The following APCDD1L variants were observed in gnomAD, a reference collection of about 807,000 sequenced individuals.
APCDD1L encodes the protein APC down-regulated 1 like.
APCDD1L carries 21 observed loss-of-function variants against 24.2 expected under a neutral mutation model. The ratio of observed to expected loss-of-function variants is 0.87; its 90% CI spans 0.61 to 1.25. APCDD1L has a LOEUF of 1.25. Ranked by LOEUF, APCDD1L falls within the 50% of genes most tolerant of loss-of-function variation. The pLI, the probability that APCDD1L is intolerant of heterozygous loss-of-function variation, is 0.00. For synonymous variants in APCDD1L, 321 were observed against 323.6 expected, an observed-to-expected ratio of 0.99 and a Z score of 0.09; for missense variants, 704 against 711.7, an observed-to-expected ratio of 0.99 and a Z score of 0.12.
chr20:58,470,357 A>G (rs1989786395), intron 2 of APCDD1L, among the ~76,000 whole-genome samples: 1 of 152,192 alleles, frequency 6.6e-6, no homozygotes. Flanking sequence ...CCTGGCACTT[A>G]GCTCGTAATA....
rs1358303593 is a variant in APCDD1L at position 58,514,776 on chromosome 20, G to C, written c.-69C>G. The C allele has an allele frequency of 7.4e-6, 9 of 1,211,950 alleles. No homozygotes were observed. The highest frequency in any genetic ancestry group is 8.4e-6 in the Non-Finnish European group (8 of 955,740). The allele number at this position is 1,211,950 out of a possible 1,614,324, so 75.1% of individuals were successfully genotyped here. A position where few individuals can be genotyped will look rare whatever the true frequency, so the allele number is the denominator to read the frequency against. On this transcript the variant is annotated 5_prime_UTR_variant, in exon 1 of 4. Transcript: ENST00000371149. Reference sequence around the variant, plus strand: ...GCGCAAGGGGAGGCGCGGGCGCAGGGCTCTCGGACGGCTGCGGGCGCCGGC... The same window carrying C: ...GCGCAAGGGGAGGCGCGGGCGCAGGCCTCTCGGACGGCTGCGGGCGCCGGC...
chr20:58,492,907 C>T lies in APCDD1L; in HGVS notation c.49+21752G>A, dbSNP rs1052406084. Reference sequence around the variant, plus strand: ...AGCATATACACACATACACATAATGCAAGCATGCACACATGCATACACATG... The same window carrying T: ...AGCATATACACACATACACATAATGTAAGCATGCACACATGCATACACATG... On this transcript the variant is annotated intron_variant, in intron 1 of 3. Transcript: ENST00000371149. 2.7e-5 allele frequency among the ~76,000 whole-genome samples: 4 copies of T among 150,210 alleles called. No individual in the cohort carries two copies. The South Asian group carries it at 8.5e-4, about 32-fold the overall frequency.
At position 58,459,907 on chromosome 20, in the gene APCDD1L, T is replaced by C. The variant is rs1600837223; in HGVS notation, c.*883A>G. On this transcript the variant is annotated 3_prime_UTR_variant, in exon 4 of 4. Coordinates refer to ENST00000371149, the MANE Select transcript of APCDD1L (RefSeq NM_153360.3). ...GAGCGCGTTAGTGTTACGGCTGTCA[T>C]TACTATTAACTATGTTCAGAAGGCT... is the stretch of plus-strand genomic sequence containing the variant. 1 of 152,752 alleles carries C rather than the reference T, an allele frequency of 6.5e-6. No homozygotes were observed. Among genetic ancestry groups the C allele is most frequent in the East Asian group, 1.9e-4 (1 of 5,180 alleles). The allele number at this position is 152,752 out of a possible 1,614,324, so 9.5% of individuals were successfully genotyped here. A position where few individuals can be genotyped will look rare whatever the true frequency, so the allele number is the denominator to read the frequency against.
At chr20:58,479,513 G>A (rs1989982132) in intron 1 of APCDD1L, among the ~76,000 whole-genome samples, 2 of 151,660 alleles carry the variant, frequency 1.3e-5, no homozygotes, top group South Asian at 4.2e-4. Context: ...TGGGTAGGAT[G>A]TAGTCTTTGA....
At chr20:58,499,675 T>G (rs1990394381) in intron 1 of APCDD1L, among the ~76,000 whole-genome samples, 1 of 152,192 alleles carries the variant, frequency 6.6e-6, no homozygotes, top group African/African-American at 2.4e-5. Context: ...CCCTACCTGC[T>G]CCTGCTCTGT....
chr20:58,488,318 G>A (rs1990163342), intron 1 of APCDD1L, among the ~76,000 whole-genome samples: 1 of 151,980 alleles, frequency 6.6e-6, no homozygotes, highest in Non-Finnish European at 1.5e-5. Flanking sequence ...ACCCACTGGG[G>A]GTCATGGAAT....
Position 58,497,242 on chromosome 20 carries a change from C to T in APCDD1L, c.49+17417G>A, listed in dbSNP as rs1026275893. Among the ~76,000 whole-genome samples, 2 of 151,852 alleles carry T rather than the reference C, an allele frequency of 1.3e-5. No individual in the cohort carries two copies. Among genetic ancestry groups the T allele is most frequent in the African/African-American group, 4.8e-5 (2 of 41,360 alleles). ...GCGGGTGGAGGCTGAGGGGCAGATG[C>T]GGGTTTCAGGGAAGGAAGCTGTAGC... On this transcript the variant is annotated intron_variant, in intron 1 of 3. Transcript: ENST00000371149. The surrounding 1 kb of genome is among the most constrained non-coding windows in gnomAD (Gnocchi z 4.3).
intron 1 of APCDD1L, chr20:58,513,933 G>A: frequency 1.5e-6 from 2 of 1,302,794 alleles, no homozygotes; most frequent in South Asian, 1.2e-5. Flanking sequence ...TGAGCCCCCA[G>A]CTGGGCACAC....
intron 1 of APCDD1L, among the ~76,000 whole-genome samples, chr20:58,487,053 G>C (rs915821894): frequency 5.9e-5 from 9 of 151,614 alleles, no homozygotes; most frequent in Non-Finnish European, 1.2e-4. Flanking sequence ...GTAGAGACGA[G>C]GTTTCACCAT....
chr20:58,493,085 C>T (rs1287834399), intron 1 of APCDD1L, among the ~76,000 whole-genome samples: 1 of 151,748 alleles, frequency 6.6e-6, no homozygotes, highest in Non-Finnish European at 1.5e-5. Flanking sequence ...TGCATACATG[C>T]ATACACGCAC....
intron 1 of APCDD1L, among the ~76,000 whole-genome samples, chr20:58,495,202 T>C (rs1990298331): frequency 1.3e-5 from 2 of 152,188 alleles, no homozygotes; most frequent in Admixed American, 1.3e-4. Flanking sequence ...ACGACAAATA[T>C]GGAGCTCTAG....
At chr20:58,464,188 A>T (rs938790540) in intron 3 of APCDD1L, among the ~76,000 whole-genome samples, 1 of 152,178 alleles carries the variant, frequency 6.6e-6, no homozygotes, top group Admixed American at 6.5e-5. Context: ...ACTAATATAT[A>T]TTGAGAAGAC....
chr20:58,473,867 T>C (rs535949109), intron 1 of APCDD1L, among the ~76,000 whole-genome samples: 5 of 152,360 alleles, frequency 3.3e-5, no homozygotes, highest in Admixed American at 2.0e-4. Context: ...TGAAATTAGA[T>C]AGCATTGTTC....
At chr20:58,506,799 C>A (rs529532313) in intron 1 of APCDD1L, among the ~76,000 whole-genome samples, 1 of 152,310 alleles carries the variant, frequency 6.6e-6, no homozygotes, top group East Asian at 1.9e-4. Context: ...AGCTCAGATG[C>A]CTCAGAGTGT....
chr20:58,488,357 T>A (rs996705246), intron 1 of APCDD1L, among the ~76,000 whole-genome samples: 1 of 152,110 alleles, frequency 6.6e-6, no homozygotes, highest in Non-Finnish European at 1.5e-5. Flanking sequence ...GGGGGACTAA[T>A]GTACACACAC....
chr20:58,507,710 G>T (rs942230090), intron 1 of APCDD1L, among the ~76,000 whole-genome samples: 2 of 152,128 alleles, frequency 1.3e-5, no homozygotes, highest in Non-Finnish European at 2.9e-5. Context: ...GGAAGCTTGG[G>T]TGAAAAAACA....
chr20:58,494,819 C>T lies in APCDD1L; in HGVS notation c.49+19840G>A, dbSNP rs1990290224. Among the ~76,000 whole-genome samples, 1 of 152,202 alleles carries T rather than the reference C, an allele frequency of 6.6e-6. No homozygotes were observed. Among genetic ancestry groups the T allele is most frequent in the Non-Finnish European group, 1.5e-5 (1 of 68,042 alleles). On this transcript the variant is annotated intron_variant, in intron 1 of 3. Coordinates refer to ENST00000371149, the MANE Select transcript of APCDD1L (RefSeq NM_153360.3). The surrounding 1 kb of genome is among the most constrained non-coding windows in gnomAD (Gnocchi z 4.8). The stretch of plus-strand genomic sequence containing the variant: ...CTGGCATTCTGCACCCACTGAGCGC[C>T]TGGCAGTCCCTTGGCCACACCCCAC...
chr20:58,477,370 T>C (rs959166956), intron 1 of APCDD1L, among the ~76,000 whole-genome samples: 20 of 152,192 alleles, frequency 1.3e-4, no homozygotes, highest in Non-Finnish European at 5.9e-5. Flanking sequence ...TTTTGAAGAG[T>C]AGTGGCTCTT....
chr20:58,490,524 C>G (rs1453187827), intron 1 of APCDD1L, among the ~76,000 whole-genome samples: 1 of 152,218 alleles, frequency 6.6e-6, no homozygotes, highest in Non-Finnish European at 1.5e-5. Flanking sequence ...ACTTACGGCA[C>G]TAACTAAAAG....
Sources: allele counts gnomAD v4.1 joint callset (sites outside exome capture counted in the v4.1 genomes callset), GRCh38; gene constraint gnomAD v4.1.1; non-coding constraint Gnocchi (gnomAD v3.1); transcripts MANE v1.5; gene names NCBI Gene and HGNC (gene_info 2026-07-23, HGNC 2026-07-21).